RBMS3: variants seen among roughly 807,000 people sequenced by gnomAD.
RBMS3 encodes the protein RNA-binding motif, single-stranded-interacting protein 3.
A neutral mutation model predicts 66.8 loss-of-function variants in RBMS3; 27 were observed. The observed-to-expected ratio is 0.40, with a 90% CI of 0.30 to 0.56. The LOEUF is 0.56. Among genes scored for constraint, RBMS3 ranks in the 20% least tolerant of loss-of-function variants. The pLI is 0.40. For synonymous variants in RBMS3, 188 were observed against 183.0 expected, an observed-to-expected ratio of 1.03 and a Z score of -0.22; for missense variants, 513 against 549.5, an observed-to-expected ratio of 0.93 and a Z score of 0.66.
chr3:29,394,133 C>T (rs534016365), intron 1 of RBMS3, among the ~76,000 whole-genome samples: 2 of 152,290 alleles, frequency 1.3e-5, no homozygotes, highest in African/African-American at 2.4e-5. Flanking sequence ...TCTTCAACTG[C>T]ATAAGACAGA....
chr3:29,655,103 T>A (rs1484968559), intron 4 of RBMS3, among the ~76,000 whole-genome samples: 2 of 152,156 alleles, frequency 1.3e-5, no homozygotes, highest in East Asian at 3.9e-4. Flanking sequence ...GAAATAGGAA[T>A]AAGAACATTT....
intron 5 of RBMS3, among the ~76,000 whole-genome samples, chr3:29,761,618 T>C (rs966983236): frequency 2.0e-5 from 3 of 152,198 alleles, no homozygotes; most frequent in Non-Finnish European, 4.4e-5. Context: ...GTAATAAATA[T>C]GTATAACTTA....
chr3:29,712,975 TAGAA>T (rs1285542280), intron 4 of RBMS3, among the ~76,000 whole-genome samples: 2 of 152,138 alleles, frequency 1.3e-5, no homozygotes, highest in Non-Finnish European at 2.9e-5. Flanking sequence ...TTTTCAGAGA[TAGAA>T]AGAGAGAGAT....
At chr3:29,723,508 A>G (rs1257249021) in intron 4 of RBMS3, among the ~76,000 whole-genome samples, 4 of 152,184 alleles carry the variant, frequency 2.6e-5, no homozygotes, top group Admixed American at 2.0e-4. Flanking sequence ...ATGACATTTT[A>G]TATACAGATG....
At chr3:29,547,616 T>G (rs1576189560) in intron 3 of RBMS3, among the ~76,000 whole-genome samples, 1 of 152,122 alleles carries the variant, frequency 6.6e-6, no homozygotes, top group East Asian at 1.9e-4. Flanking sequence ...ATTCAGGGGA[T>G]TCACTGGCCA....
chr3:29,563,845 A>G (rs899950139), intron 3 of RBMS3, among the ~76,000 whole-genome samples: 5 of 151,832 alleles, frequency 3.3e-5, no homozygotes, highest in African/African-American at 1.2e-4. Context: ...GGCAACATAG[A>G]GATACTCTGT....
At chr3:29,281,970 G>C (rs539953308) in intron 1 of RBMS3, among the ~76,000 whole-genome samples, 59 of 152,284 alleles carry the variant, frequency 3.9e-4, no homozygotes, top group African/African-American at 1.3e-3. Flanking sequence ...TTTAAGGAGA[G>C]ATAATAGTTT....
At chr3:29,936,532 T>C (rs72848101) in intron 11 of RBMS3, among the ~76,000 whole-genome samples, 6,190 of 152,180 alleles carry the variant, frequency 0.041, 366 homozygotes, top group African/African-American at 0.13. Context: ...TCAATCCTGG[T>C]TTTCTCTTCC....
At chr3:29,400,706 A>C (rs2039771168) in intron 1 of RBMS3, among the ~76,000 whole-genome samples, 1 of 152,062 alleles carries the variant, frequency 6.6e-6, no homozygotes, top group Admixed American at 6.6e-5. Flanking sequence ...GGAAGTTGGA[A>C]ATGACCGTGG....
In RBMS3 at chr3:29,434,760, T is replaced by C. The variant is rs202094405; in HGVS notation, c.93T>C (p.Ala31=). The C allele has an allele frequency of 3.9e-5, 63 of 1,613,692 alleles. No homozygotes were observed. In the East Asian group the frequency reaches 1.2e-3, roughly 32 times the overall value. The change falls in exon 2 of 15, where the codon GCT becomes GCC. Residue 31 remains alanine (A), a synonymous_variant. Coordinates refer to ENST00000383767, the MANE Select transcript of RBMS3 (RefSeq NM_001003793.3). The part of the protein sequence containing the change: ...YLQTKQSYAP[A]PHPMAPPSPS... The stretch of plus-strand genomic sequence containing the variant: ...GTTTCCAGCAGTCCTATGCACCAGC[T>C]CCCCACCCCATGGCTCCTCCCAGCC...
At chr3:29,340,373 C>A (rs574721825) in intron 1 of RBMS3, among the ~76,000 whole-genome samples, 3 of 152,232 alleles carry the variant, frequency 2.0e-5, no homozygotes, top group Non-Finnish European at 4.4e-5. Context: ...GGCCAATGGA[C>A]ACCGCCATTG....
chr3:29,605,875 T>C (rs567244144), intron 4 of RBMS3, among the ~76,000 whole-genome samples: 4 of 152,002 alleles, frequency 2.6e-5, no homozygotes, highest in South Asian at 4.1e-4. Flanking sequence ...CACAACTATT[T>C]AGAACCTGGT....
intron 12 of RBMS3, among the ~76,000 whole-genome samples, chr3:29,967,221 A>C (rs1696910781): frequency 6.6e-6 from 1 of 152,074 alleles, no homozygotes. Flanking sequence ...TGAATTAGGG[A>C]GGTTCCTTCT....
intron 10 of RBMS3, among the ~76,000 whole-genome samples, chr3:29,924,373 C>T (rs2149663595): frequency 6.6e-6 from 1 of 152,108 alleles, no homozygotes; most frequent in Non-Finnish European, 1.5e-5. Context: ...GAAGGGTTTT[C>T]TTTTCTTTTT....
intron 1 of RBMS3, among the ~76,000 whole-genome samples, chr3:29,431,029 T>C (rs1052489512): frequency 2.6e-5 from 4 of 152,164 alleles, no homozygotes; most frequent in African/African-American, 9.7e-5. Flanking sequence ...AGCTTAAGTT[T>C]TGTGAGGATT....
chr3:29,559,000 C>A (rs975122861), intron 3 of RBMS3, among the ~76,000 whole-genome samples: 2 of 152,072 alleles, frequency 1.3e-5, no homozygotes, highest in African/African-American at 2.4e-5. Flanking sequence ...ATAAAAATCA[C>A]AATCACACAA....
chr3:29,849,445 C>T (rs1157189769), intron 6 of RBMS3, among the ~76,000 whole-genome samples: 3 of 145,100 alleles, frequency 2.1e-5, no homozygotes, highest in Non-Finnish European at 3.0e-5. Context: ...ACTTGGGAGG[C>T]GGAGGTTGCA....
intron 3 of RBMS3, among the ~76,000 whole-genome samples, chr3:29,564,119 G>T (rs1006812348): frequency 1.3e-5 from 2 of 152,082 alleles, no homozygotes; most frequent in Non-Finnish European, 2.9e-5. Flanking sequence ...TAAAACATAT[G>T]TATGTCACAT....
chr3:29,777,221 T>G (rs993739315), intron 6 of RBMS3, among the ~76,000 whole-genome samples: 7 of 151,918 alleles, frequency 4.6e-5, no homozygotes, highest in Non-Finnish European at 8.8e-5. Context: ...CATTAAATGC[T>G]TTTCTCCTAT....
Sources: allele counts gnomAD v4.1 joint callset (sites outside exome capture counted in the v4.1 genomes callset), GRCh38; gene constraint gnomAD v4.1.1; transcripts MANE v1.5; gene names NCBI Gene and HGNC (gene_info 2026-07-23, HGNC 2026-07-21).